CLMP: variants seen among roughly 807,000 people sequenced by gnomAD.
The protein encoded by CLMP is CXADR like cell adhesion molecule, also known as CXADR-like membrane protein.
CLMP carries 27 observed loss-of-function variants against 45.2 expected under a neutral mutation model. That is an observed-to-expected ratio of 0.60 (90% confidence interval 0.44 to 0.82). CLMP has a LOEUF of 0.82. Among genes scored for constraint, CLMP ranks in the 40% least tolerant of loss-of-function variants. The pLI, the probability that CLMP is intolerant of heterozygous loss-of-function variation, is 0.00. For synonymous variants in CLMP, 167 were observed against 171.4 expected, an observed-to-expected ratio of 0.97 and a Z score of 0.20; for missense variants, 403 against 448.4, an observed-to-expected ratio of 0.90 and a Z score of 0.91.
At chr11:123,132,831 G>A (rs1861011262) in intron 1 of CLMP, among the ~76,000 whole-genome samples, 1 of 151,566 alleles carries the variant, frequency 6.6e-6, no homozygotes, top group African/African-American at 2.4e-5. Context: ...CAGGCTGGAG[G>A]GCCAGTGGTG....
chr11:123,127,181 G>A (rs1860908081), intron 1 of CLMP, among the ~76,000 whole-genome samples: 2 of 152,082 alleles, frequency 1.3e-5, no homozygotes, highest in South Asian at 2.1e-4. Context: ...GAGTGCAGTG[G>A]CGTGATCTCA....
chr11:123,103,032 C>T (rs1860476056), intron 1 of CLMP, among the ~76,000 whole-genome samples: 1 of 152,130 alleles, frequency 6.6e-6, no homozygotes, highest in Admixed American at 6.6e-5. Flanking sequence ...CCCACACGCT[C>T]ATTTTTACCA....
chr11:123,099,364 A>G (rs867670972), intron 1 of CLMP, among the ~76,000 whole-genome samples: 1 of 152,238 alleles, frequency 6.6e-6, no homozygotes, highest in Admixed American at 6.5e-5. Context: ...AATTACACAA[A>G]TACTGTAGTA....
intron 1 of CLMP, among the ~76,000 whole-genome samples, chr11:123,161,033 C>T (rs1194471052): frequency 1.3e-5 from 2 of 149,960 alleles, no homozygotes; most frequent in Non-Finnish European, 3.0e-5. Context: ...TTGATTGAAA[C>T]AGGCAGCATT....
At chr11:123,080,623 C>T (rs986046807) in intron 5 of CLMP, among the ~76,000 whole-genome samples, 7 of 151,896 alleles carry the variant, frequency 4.6e-5, no homozygotes, top group African/African-American at 1.5e-4. Context: ...CACTGCGCCT[C>T]GACAAAGGTA....
At chr11:123,095,440 T>G (rs1379831869) in intron 2 of CLMP, among the ~76,000 whole-genome samples, 1 of 152,094 alleles carries the variant, frequency 6.6e-6, no homozygotes, top group Non-Finnish European at 1.5e-5. Context: ...GGCTTATTTT[T>G]TGTATTTTTA....
Position 123,135,132 on chromosome 11 carries a change from C to T in CLMP, c.29-37180G>A, listed in dbSNP as rs370864936. ...AAAATTAGCCAGACATGGTGGCAGG[C>T]GCCTGTAATCCCAGTTACTTGTGAG... On this transcript the variant is annotated intron_variant, in intron 1 of 6. Transcript: ENST00000448775. Among the ~76,000 whole-genome samples the T allele has an allele frequency of 4.6e-5, 7 of 151,630 alleles. No individual in the cohort carries two copies. The East Asian group carries it at 7.8e-4, about 17-fold the overall frequency.
chr11:123,160,466 G>A (rs80131309), intron 1 of CLMP, among the ~76,000 whole-genome samples: 7,505 of 152,118 alleles, frequency 0.049, 271 homozygotes, highest in Middle Eastern at 0.12. Flanking sequence ...TCACATGGAC[G>A]CAGTTAATTT....
chr11:123,193,594 A>T (rs1380815958), intron 1 of CLMP, among the ~76,000 whole-genome samples: 3 of 152,198 alleles, frequency 2.0e-5, no homozygotes, highest in Admixed American at 6.5e-5. Flanking sequence ...CACCTCTTTC[A>T]TTTCTCTAAC....
chr11:123,127,413 C>T (rs530708975), intron 1 of CLMP, among the ~76,000 whole-genome samples: 10 of 152,272 alleles, frequency 6.6e-5, no homozygotes, highest in African/African-American at 2.2e-4. Flanking sequence ...TGAGCCACAG[C>T]GCCCAGCCCA....
At chr11:123,077,958 T>C (rs1865759125) in intron 5 of CLMP, among the ~76,000 whole-genome samples, 1 of 151,834 alleles carries the variant, frequency 6.6e-6, no homozygotes. Flanking sequence ...AATGCAAAAA[T>C]CAGCTGGGTG....
rs1865717456 is a variant in CLMP at position 123,074,847 on chromosome 11, T to G, written c.680-4A>C. ...ACCATGCCGATGCTTTGTACATCTA[T>G]TTTCTCAGAAGCAAAAGCACAAGTA... On this transcript the variant is annotated splice_polypyrimidine_tract_variant and splice_region_variant and intron_variant, in intron 5 of 6. Coordinates refer to ENST00000448775, the MANE Select transcript of CLMP (RefSeq NM_024769.5). 1.2e-6 allele frequency: 2 copies of G among 1,610,238 alleles called. No homozygotes were observed. The highest frequency in any genetic ancestry group is 2.7e-5 in the African/African-American group (2 of 74,592).
At position 123,128,528 on chromosome 11, in the gene CLMP, C is replaced by A. The variant is rs181720857; in HGVS notation, c.29-30576G>T. Among the ~76,000 whole-genome samples, 8 of 152,100 alleles carry A rather than the reference C, an allele frequency of 5.3e-5. 1 individual carries two copies. The highest frequency in any genetic ancestry group is 3.3e-4 in the Admixed American group (5 of 15,286). On this transcript the variant is annotated intron_variant, in intron 1 of 6. Transcript: ENST00000448775. Reference sequence around the variant, plus strand: ...AATAAAAAGTAGCCAGATGTGGTGGCACAAGCCTGTAGTCTCAGCTACTTG... The same window carrying A: ...AATAAAAAGTAGCCAGATGTGGTGGAACAAGCCTGTAGTCTCAGCTACTTG...
chr11:123,151,221 A>G (rs1264950967), intron 1 of CLMP, among the ~76,000 whole-genome samples: 1 of 152,244 alleles, frequency 6.6e-6, no homozygotes, highest in African/African-American at 2.4e-5. Context: ...CTAGAAACCT[A>G]TTCTGTGGAA....
chr11:123,109,499 G>A (rs1213650468), intron 1 of CLMP, among the ~76,000 whole-genome samples: 2 of 152,146 alleles, frequency 1.3e-5, no homozygotes, highest in Admixed American at 6.6e-5. Context: ...CCACACCGAA[G>A]ATGATTGTCT....
intron 1 of CLMP, among the ~76,000 whole-genome samples, chr11:123,142,360 C>T (rs1043409901): frequency 1.2e-4 from 18 of 152,150 alleles, no homozygotes; most frequent in Non-Finnish European, 1.0e-4. Context: ...ATTAGGAGAT[C>T]CGATTGTCCA....
At chr11:123,178,609 C>T (rs1270775459) in intron 1 of CLMP, among the ~76,000 whole-genome samples, 1 of 152,158 alleles carries the variant, frequency 6.6e-6, no homozygotes, top group Non-Finnish European at 1.5e-5. Flanking sequence ...ACATGACCTC[C>T]ATTCATGATG....
At chr11:123,118,535 T>C (rs1391029915) in intron 1 of CLMP, among the ~76,000 whole-genome samples, 3 of 152,218 alleles carry the variant, frequency 2.0e-5, no homozygotes, top group Non-Finnish European at 2.9e-5. Flanking sequence ...TGGAGCTTCT[T>C]TTCTGCCAGA....
chr11:123,189,050 CT>C (rs1861868834), intron 1 of CLMP: 1 of 152,202 alleles, frequency 6.6e-6, no homozygotes, highest in Non-Finnish European at 1.5e-5. Flanking sequence ...CTAGAAGGGT[CT>C]TCTGACGTAT....
Sources: gnomAD v4.1 joint callset for allele counts (sites outside exome capture counted in the v4.1 genomes callset) on GRCh38, gnomAD v4.1.1 for gene constraint, MANE v1.5 for transcripts, NCBI Gene and HGNC (gene_info 2026-07-23, HGNC 2026-07-21) for gene names.